MLLT10: variants seen among roughly 807,000 people sequenced by gnomAD.
MLLT10 encodes MLLT10 histone lysine methyltransferase DOT1L cofactor.
MLLT10 carries 30 observed loss-of-function variants against 129.1 expected under a neutral mutation model. The ratio of observed to expected loss-of-function variants is 0.23; its 90% CI spans 0.17 to 0.32. MLLT10 has a LOEUF of 0.32. Ranked by LOEUF, MLLT10 falls within the 10% of genes least tolerant of loss-of-function variation. MLLT10 has a pLI of 1.00. For synonymous variants in MLLT10, 490 were observed against 446.4 expected, an observed-to-expected ratio of 1.10 and a Z score of -1.23; for missense variants, 1,119 against 1,268.3, an observed-to-expected ratio of 0.88 and a Z score of 1.79.
chr10:21,687,530 A>G (rs78662035), intron 13 of MLLT10, among the ~76,000 whole-genome samples: 4,288 of 152,196 alleles, frequency 0.028, 199 homozygotes, highest in African/African-American at 0.097. Context: ...CACAACAGAC[A>G]TTTTTTCTTC....
At chr10:21,589,634 T>G (rs1007154997) in intron 4 of MLLT10, among the ~76,000 whole-genome samples, 1 of 152,214 alleles carries the variant, frequency 6.6e-6, no homozygotes, top group Non-Finnish European at 1.5e-5. Flanking sequence ...TACTGTAAAT[T>G]CACTTGTCCA....
At chr10:21,602,562 T>C (rs2043645421) in intron 5 of MLLT10, among the ~76,000 whole-genome samples, 1 of 152,180 alleles carries the variant, frequency 6.6e-6, no homozygotes, top group African/African-American at 2.4e-5. Context: ...GATTAACTTA[T>C]CTTATGTGAC....
intron 4 of MLLT10, among the ~76,000 whole-genome samples, chr10:21,592,730 C>T (rs1298606853): frequency 2.0e-5 from 3 of 152,058 alleles, no homozygotes; most frequent in African/African-American, 4.8e-5. Context: ...TTCCAAAGTG[C>T]TGGGATTACA....
intron 3 of MLLT10, among the ~76,000 whole-genome samples, chr10:21,578,859 C>T (rs971687473): frequency 6.6e-6 from 1 of 151,998 alleles, no homozygotes; most frequent in Admixed American, 6.6e-5. Context: ...TATTATAAGC[C>T]CCAGAAAACA....
chr10:21,640,290 ATATT>A (rs1248400582), intron 8 of MLLT10, among the ~76,000 whole-genome samples: 1 of 143,880 alleles, frequency 7.0e-6, no homozygotes, highest in Non-Finnish European at 1.5e-5. Flanking sequence ...TATATAATAT[ATATT>A]ATATAATATA....
intron 3 of MLLT10, among the ~76,000 whole-genome samples, chr10:21,547,018 C>T (rs946006628): frequency 5.3e-5 from 8 of 151,828 alleles, no homozygotes; most frequent in Non-Finnish European, 7.4e-5. Context: ...CTCCCATGCC[C>T]GGCCCTAATC....
At chr10:21,542,826 C>T (rs1330844523) in intron 3 of MLLT10, among the ~76,000 whole-genome samples, 1 of 152,118 alleles carries the variant, frequency 6.6e-6, no homozygotes, top group Non-Finnish European at 1.5e-5. Context: ...TTTGAGGTTG[C>T]AATGAGCTAT....
Position 21,726,226 on chromosome 10 carries a change from G to A in MLLT10, c.1879-18G>A. ...TTTCACATATAATTCATTTATCATT[G>A]TAATTTTTTCCATTTAGGCAAATAC... On this transcript the variant is annotated intron_variant, in intron 14 of 22. Transcript: ENST00000307729. 2 of 1,450,486 alleles carry A rather than the reference G, an allele frequency of 1.4e-6. No individual in the cohort carries two copies. Among genetic ancestry groups the A allele is most frequent in the Non-Finnish European group, 1.9e-6 (2 of 1,041,142 alleles). The allele number at this position is 1,450,486 out of a possible 1,614,324, so 89.9% of individuals were successfully genotyped here. A position where few individuals can be genotyped will look rare whatever the true frequency, so the allele number is the denominator to read the frequency against.
Position 21,673,773 on chromosome 10 carries a change from A to G in MLLT10, c.1475A>G (p.His492Arg), listed in dbSNP as rs766593477. 8.1e-6 allele frequency: 13 copies of G among 1,614,082 alleles called. No individual in the cohort carries two copies. The Admixed American group carries it at 1.8e-4, about 23-fold the overall frequency. ...KGNKNQENVSHLSVSSASPTS... is the reference protein window; with the variant it reads ...KGNKNQENVSRLSVSSASPTS... ...AACAAAAATCAAGAGAATGTTTCTC[A>G]TCTCTCAGTTTCTTCTGCTTCACCA... Residue 492 changes from histidine (H) to arginine (R), a missense_variant, in exon 11 of 23, where the codon CAT becomes CGT. By Grantham distance (29) the His-to-Arg change is conservative. This residue lies in a region of MLLT10 where 1,004 missense variants were observed against 1,008.7 expected (regional missense o/e 1.00). Transcript: ENST00000307729.
chr10:21,552,635 A>G (rs1432526861), intron 3 of MLLT10, among the ~76,000 whole-genome samples: 3 of 149,306 alleles, frequency 2.0e-5, no homozygotes, highest in Non-Finnish European at 4.5e-5. Flanking sequence ...CAGGTGATCC[A>G]CCCGCCTCGG....
At chr10:21,615,839 T>TA (rs1471002399) in intron 7 of MLLT10, among the ~76,000 whole-genome samples, 1 of 152,198 alleles carries the variant, frequency 6.6e-6, no homozygotes, top group African/African-American at 2.4e-5. Context: ...GATTGGGTGT[T>TA]ACATATTTGT....
At chr10:21,550,258 G>T (rs1036541518) in intron 3 of MLLT10, among the ~76,000 whole-genome samples, 3 of 152,042 alleles carry the variant, frequency 2.0e-5, no homozygotes, top group East Asian at 1.9e-4. Flanking sequence ...TATCCCCTTG[G>T]ATTTCTAGAG....
At chr10:21,724,342 A>G (rs1227095676) in intron 14 of MLLT10, among the ~76,000 whole-genome samples, 1 of 152,250 alleles carries the variant, frequency 6.6e-6, no homozygotes, top group African/African-American at 2.4e-5. Flanking sequence ...GAAGGCCAAG[A>G]TGCAATGTCA....
At chr10:21,676,311 G>C (rs1407001377) in intron 11 of MLLT10, among the ~76,000 whole-genome samples, 1 of 151,856 alleles carries the variant, frequency 6.6e-6, no homozygotes, top group Non-Finnish European at 1.5e-5. Flanking sequence ...TAGCTACTCG[G>C]AGAGGCTGAG....
At chr10:21,695,950 G>GT (rs58949058) in intron 13 of MLLT10, among the ~76,000 whole-genome samples, 3,538 of 131,508 alleles carry the variant, frequency 0.027, 78 homozygotes, top group African/African-American at 0.057. Context: ...TTGTGTGTGG[G>GT]TTTTTTTTTT....
chr10:21,556,080 A>G (rs1039436934), intron 3 of MLLT10, among the ~76,000 whole-genome samples: 2 of 148,730 alleles, frequency 1.3e-5, no homozygotes, highest in African/African-American at 2.5e-5. Context: ...GGTTCAGGCA[A>G]TTCTCCTGCC....
chr10:21,553,470 C>T (rs931912567), intron 3 of MLLT10, among the ~76,000 whole-genome samples: 1 of 151,362 alleles, frequency 6.6e-6, no homozygotes, highest in Non-Finnish European at 1.5e-5. Flanking sequence ...AGACTACAGG[C>T]GTGTGCCACT....
chr10:21,596,000 T>C (rs1255638332), intron 5 of MLLT10, among the ~76,000 whole-genome samples: 2 of 152,036 alleles, frequency 1.3e-5, no homozygotes, highest in African/African-American at 2.4e-5. Context: ...GTTTTACCAT[T>C]ACCCAATGTG....
intron 8 of MLLT10, among the ~76,000 whole-genome samples, chr10:21,642,947 A>G (rs1381881841): frequency 6.6e-6 from 1 of 152,160 alleles, no homozygotes; most frequent in Non-Finnish European, 1.5e-5. Context: ...GTCAGATTTT[A>G]TATTGAGCTC....
Sources: allele counts gnomAD v4.1 joint callset (sites outside exome capture counted in the v4.1 genomes callset), GRCh38; gene constraint gnomAD v4.1.1; regional missense constraint gnomAD v4.1.1; transcripts MANE v1.5; gene names NCBI Gene and HGNC (gene_info 2026-07-23, HGNC 2026-07-21).